The following DENND1A variants were observed in gnomAD, a reference collection of about 807,000 sequenced individuals.
DENND1A encodes DENN domain containing 1A, also known as DENN domain-containing protein 1A.
In DENND1A, 51 loss-of-function variants were observed where a neutral mutation model predicts 113.7. That is an observed-to-expected ratio of 0.45 (90% CI 0.36 to 0.57). The LOEUF is 0.57. Ranked by LOEUF, DENND1A falls within the 20% of genes least tolerant of loss-of-function variation. The probability of loss-of-function intolerance (pLI) is 0.00; values close to 1 mark genes in which losing one functional copy is unlikely to be tolerated. For synonymous variants in DENND1A, 565 were observed against 570.8 expected, an observed-to-expected ratio of 0.99 and a Z score of 0.14; for missense variants, 1,258 against 1,395.9, an observed-to-expected ratio of 0.90 and a Z score of 1.57.
At position 123,675,072 on chromosome 9, in the gene DENND1A, C is replaced by T. The variant is rs187031402; in HGVS notation, c.372+1648G>A. 3.9e-4 allele frequency among the ~76,000 whole-genome samples: 60 copies of T among 152,274 alleles called. No homozygotes were observed. The East Asian group carries it at 0.01, about 27-fold the overall frequency. ...ATCAAAGAGTAATCCACTTCTTTTA[C>T]GACAGAATCCCCTGACATCTAAGCT... On this transcript the variant is annotated intron_variant, in intron 6 of 23. Transcript: ENST00000394215.
At chr9:123,790,617 T>C (rs1832859660) in intron 3 of DENND1A, among the ~76,000 whole-genome samples, 2 of 152,184 alleles carry the variant, frequency 1.3e-5, no homozygotes, top group South Asian at 4.1e-4. Context: ...ACTATAATTC[T>C]AATAATTCCA....
chr9:123,518,795 A>G (rs926694014), intron 13 of DENND1A, among the ~76,000 whole-genome samples: 8 of 152,084 alleles, frequency 5.3e-5, no homozygotes, highest in African/African-American at 1.9e-4. Context: ...GGACCTTCCA[A>G]TTGTTCTCTG....
At chr9:123,485,696 T>C (rs1297294079) in intron 13 of DENND1A, 1 of 143,906 alleles carries the variant, frequency 6.9e-6, no homozygotes, top group African/African-American at 2.6e-5. Context: ...ACACACGCAG[T>C]GTGGGGTCAG....
At chr9:123,457,577 C>A in intron 14 of DENND1A, 142 bp from the exon 15 acceptor site, 1 of 794,048 alleles carries the variant, frequency 1.3e-6, no homozygotes, top group Admixed American at 2.6e-5. Flanking sequence ...AAAATACCGG[C>A]TGCATATTTA....
At chr9:123,740,718 A>C (rs1430100754) in intron 5 of DENND1A, among the ~76,000 whole-genome samples, 1 of 152,190 alleles carries the variant, frequency 6.6e-6, no homozygotes, top group African/African-American at 2.4e-5. Context: ...TGTGGGAAAC[A>C]AGGATCAGAT....
intron 11 of DENND1A, among the ~76,000 whole-genome samples, chr9:123,590,877 G>C (rs938426164): frequency 6.6e-6 from 1 of 152,158 alleles, no homozygotes; most frequent in African/African-American, 2.4e-5. Flanking sequence ...ACCATACAAG[G>C]TAAGAGTGTG....
At chr9:123,666,272 T>A (rs2063488877) in intron 8 of DENND1A, among the ~76,000 whole-genome samples, 1 of 152,258 alleles carries the variant, frequency 6.6e-6, no homozygotes, top group Non-Finnish European at 1.5e-5. Flanking sequence ...CTTTATCTGA[T>A]TCTACATAGT....
At chr9:123,782,335 T>C (rs1831448057) in intron 3 of DENND1A, among the ~76,000 whole-genome samples, 1 of 152,190 alleles carries the variant, frequency 6.6e-6, no homozygotes, top group Non-Finnish European at 1.5e-5. Context: ...ATGTCTGATA[T>C]ACACTCAAAT....
intron 13 of DENND1A, among the ~76,000 whole-genome samples, chr9:123,515,549 G>A (rs2053827543): frequency 6.6e-6 from 1 of 152,204 alleles, no homozygotes; most frequent in South Asian, 2.1e-4. Flanking sequence ...TTAATTATCA[G>A]TGAACATAGG....
At chr9:123,459,444 A>G (rs996375170) in intron 13 of DENND1A, among the ~76,000 whole-genome samples, 2 of 152,212 alleles carry the variant, frequency 1.3e-5, no homozygotes, top group Non-Finnish European at 1.5e-5. Context: ...AAAATAAAAT[A>G]TACTATCCAA....
intron 10 of DENND1A, among the ~76,000 whole-genome samples, chr9:123,619,294 G>A (rs953893185): frequency 1.3e-5 from 2 of 152,144 alleles, no homozygotes; most frequent in African/African-American, 4.8e-5. Flanking sequence ...TAACAATATA[G>A]ACTGTATTAA....
At chr9:123,699,077 C>CT (rs1195471468) in intron 5 of DENND1A, among the ~76,000 whole-genome samples, 65 of 136,508 alleles carry the variant, frequency 4.8e-4, no homozygotes, top group East Asian at 3.3e-3. Context: ...GTTCCCCCTA[C>CT]TTTTTTTTTA....
chr9:123,869,964 A>G (rs1329966307), intron 2 of DENND1A, among the ~76,000 whole-genome samples: 1 of 139,942 alleles, frequency 7.1e-6, no homozygotes, highest in Non-Finnish European at 1.5e-5. Flanking sequence ...TGAAACTGTT[A>G]TGTAAGAGTG....
At chr9:123,621,532 T>C (rs1406716941) in intron 10 of DENND1A, among the ~76,000 whole-genome samples, 2 of 152,198 alleles carry the variant, frequency 1.3e-5, no homozygotes, top group African/African-American at 4.8e-5. Flanking sequence ...ATATTGACTA[T>C]ATATACAGCT....
rs1165627667 is a variant in DENND1A, at chr9:123,490,197, G to A, written c.994-32300C>T. 3.9e-5 allele frequency among the ~76,000 whole-genome samples: 6 copies of A among 152,174 alleles called. No homozygotes were observed. In the East Asian group the frequency reaches 1.2e-3, roughly 29 times the overall value. ...ACATGGTTCAGCAATGGCCAGTGTAGGATATAGTTCAAACAAAAGAATAAT... is the reference window on the plus strand; with the variant it reads ...ACATGGTTCAGCAATGGCCAGTGTAAGATATAGTTCAAACAAAAGAATAAT... On this transcript the variant is annotated intron_variant, in intron 13 of 23. Transcript: ENST00000394215.
chr9:123,402,748 C>T lies in DENND1A; in HGVS notation c.1631+654G>A, dbSNP rs1351576678. The T allele has an allele frequency of 5.0e-5, 20 of 402,616 alleles. No homozygotes were observed. The East Asian group carries it at 1.2e-3, about 24-fold the overall frequency. 24.9% of individuals were successfully genotyped at this position (402,616 alleles called of 1,614,324 possible). On this transcript the variant is annotated intron_variant, in intron 21 of 23. Transcript: ENST00000394215. Reference sequence around the variant, plus strand: ...GTCTGGACTCGGGGCTATCTGCAGCCTTCTGCCTCACCCCACCACAGGCAG... The same window carrying T: ...GTCTGGACTCGGGGCTATCTGCAGCTTTCTGCCTCACCCCACCACAGGCAG...
intron 5 of DENND1A, among the ~76,000 whole-genome samples, chr9:123,724,857 A>C (rs2067591319): frequency 6.6e-6 from 1 of 152,242 alleles, no homozygotes; most frequent in Non-Finnish European, 1.5e-5. Flanking sequence ...CTGATAAAAA[A>C]ATTTTCCAAA....
intron 5 of DENND1A, among the ~76,000 whole-genome samples, chr9:123,749,048 C>T (rs1305273908): frequency 6.6e-6 from 1 of 152,158 alleles, no homozygotes; most frequent in Non-Finnish European, 1.5e-5. Context: ...CCAGGGGCTA[C>T]TGAGTCTTGA....
intron 2 of DENND1A, among the ~76,000 whole-genome samples, chr9:123,822,377 G>A (rs2132631496): frequency 6.6e-6 from 1 of 152,218 alleles, no homozygotes; most frequent in African/African-American, 2.4e-5. Context: ...AAAGGCCATG[G>A]TATACAACAT....
Sources: gnomAD v4.1 joint callset for allele counts (sites outside exome capture counted in the v4.1 genomes callset) on GRCh38, gnomAD v4.1.1 for gene constraint, MANE v1.5 for transcripts, NCBI Gene and HGNC (gene_info 2026-07-23, HGNC 2026-07-21) for gene names.